SDC2: variants seen among roughly 807,000 people sequenced by gnomAD.
SDC2 encodes syndecan 2, also known as syndecan-2.
Under a neutral mutation model 22.2 loss-of-function variants are expected in SDC2, and 13 were observed. The observed-to-expected ratio is 0.59, with a 90% CI of 0.38 to 0.93. The LOEUF is 0.93. Ranked by LOEUF, SDC2 falls within the 40% of genes least tolerant of loss-of-function variation. SDC2 has a pLI of 0.00. For synonymous variants in SDC2, 94 were observed against 92.8 expected (o/e 1.01, Z -0.07); for missense variants, 235 against 246.8 (o/e 0.95, Z 0.32).
intron 1 of SDC2, among the ~76,000 whole-genome samples, chr8:96,537,883 T>C (rs1386672897): frequency 6.6e-6 from 1 of 152,224 alleles, no homozygotes; most frequent in Non-Finnish European, 1.5e-5. Context: ...TGTTTAGTCT[T>C]GGGGCATGGT....
At chr8:96,552,799 AT>A (rs1361688155) in intron 1 of SDC2, among the ~76,000 whole-genome samples, 2 of 152,214 alleles carry the variant, frequency 1.3e-5, no homozygotes, top group African/African-American at 4.8e-5. Context: ...TTAATGTTTC[AT>A]ATAAAATGGT....
At chr8:96,602,894 G>A (rs192186503) in intron 3 of SDC2, among the ~76,000 whole-genome samples, 153 of 152,220 alleles carry the variant, frequency 1.0e-3, no homozygotes, top group Non-Finnish European at 1.7e-3. Context: ...TGGTTTGTAG[G>A]TTACGTAATT....
At chr8:96,580,358 C>G in intron 1 of SDC2, 1 of 984,566 alleles carries the variant, frequency 1.0e-6, no homozygotes, top group Non-Finnish European at 1.2e-6. Context: ...TGTCTTTGTT[C>G]CAGAGCATTT....
At chr8:96,580,608 AAAC>A in intron 1 of SDC2, 1 of 815,256 alleles carries the variant, frequency 1.2e-6, no homozygotes, top group African/African-American at 1.9e-5. Context: ...TAAATATTAG[AAAC>A]ATTGGTCCCA....
rs773116949 is a variant in SDC2, at chr8:96,593,494, A to G, written c.75A>G (p.Thr25=). Residue 25 remains threonine (T), a synonymous_variant, in exon 2 of 5, where the codon ACA becomes ACG. Transcript: ENST00000302190. ...TCCTTTCTCAGAGAGCAGAGCTGAC[A>G]TCTGATAAAGACATGTACCTTGACA... ...CVSAESRAEL[T]SDKDMYLDNS... 6.8e-6 allele frequency: 11 copies of G among 1,612,054 alleles called. No homozygotes were observed. The highest frequency in any genetic ancestry group is 9.3e-6 in the Non-Finnish European group (11 of 1,178,192).
chr8:96,570,233 C>A (rs191296845), intron 1 of SDC2, among the ~76,000 whole-genome samples: 1 of 152,262 alleles, frequency 6.6e-6, no homozygotes, highest in East Asian at 1.9e-4. Flanking sequence ...CTATCCCAAG[C>A]TCTGCTTAGT....
rs982033321 is a variant in SDC2, at chr8:96,494,391, G to C, written c.60+60G>C. 32 of 1,503,488 alleles carry C rather than the reference G, an allele frequency of 2.1e-5. No homozygotes were observed. In the African/African-American group the frequency reaches 3.8e-4, roughly 18 times the overall value. 93.1% of individuals were successfully genotyped at this position (1,503,488 alleles called of 1,614,324 possible). ...TAGGGTGTTTGAAGCTACGAGAGGA[G>C]CCCGCAGGGAATAGGGGAGCGCCAC... On this transcript the variant is annotated intron_variant, in intron 1 of 4. Coordinates refer to ENST00000302190, the MANE Select transcript of SDC2 (RefSeq NM_002998.4).
At chr8:96,606,318 G>A (rs191045912) in intron 3 of SDC2, among the ~76,000 whole-genome samples, 86 of 152,238 alleles carry the variant, frequency 5.6e-4, no homozygotes, top group African/African-American at 1.9e-3. Context: ...GGTTGGTCTC[G>A]AATGATCCTC....
Position 96,611,405 on chromosome 8 carries a change from T to C in SDC2, c.*1857T>C, listed in dbSNP as rs986518506. The stretch of plus-strand genomic sequence containing the variant: ...TTCATTTTGAGAACATTCCCTGGAA[T>C]TGCCACATAATTCATTAAAAACATT... On this transcript the variant is annotated 3_prime_UTR_variant, in exon 5 of 5. Coordinates refer to ENST00000302190, the MANE Select transcript of SDC2 (RefSeq NM_002998.4). 1 of 152,674 alleles carries C rather than the reference T, an allele frequency of 6.5e-6. No homozygotes were observed. Among genetic ancestry groups the C allele is most frequent in the African/African-American group, 2.4e-5 (1 of 41,470 alleles). 9.5% of individuals were successfully genotyped at this position (152,674 alleles called of 1,614,324 possible).
intron 1 of SDC2, among the ~76,000 whole-genome samples, chr8:96,523,527 G>T (rs1041694794): frequency 1.3e-5 from 2 of 152,108 alleles, no homozygotes; most frequent in African/African-American, 4.8e-5. Flanking sequence ...ATTTACATCT[G>T]TAAGCCGGAT....
chr8:96,549,668 G>T (rs1167986067), intron 1 of SDC2, among the ~76,000 whole-genome samples: 1 of 152,232 alleles, frequency 6.6e-6, no homozygotes, highest in South Asian at 2.1e-4. Flanking sequence ...ATGTGGTTCT[G>T]TAAGTCTTCA....
rs1445013171 is a variant in SDC2, at chr8:96,533,602, G to A, written c.60+39271G>A. Among the ~76,000 whole-genome samples the A allele has an allele frequency of 2.7e-5, 4 of 150,372 alleles. No individual in the cohort carries two copies. The East Asian group carries it at 7.8e-4, about 29-fold the overall frequency. ...GCTGATTGGTGCATTCACAGACTCT[G>A]AGCTAGACACAGAGTGCTGATTGGG... On this transcript the variant is annotated intron_variant, in intron 1 of 4. Coordinates refer to ENST00000302190, the MANE Select transcript of SDC2 (RefSeq NM_002998.4).
At chr8:96,571,987 A>C (rs963609517) in intron 1 of SDC2, among the ~76,000 whole-genome samples, 5 of 152,256 alleles carry the variant, frequency 3.3e-5, no homozygotes, top group Admixed American at 3.3e-4. Flanking sequence ...TGGCTTTCTC[A>C]GTAGGGAAGG....
chr8:96,593,483 G>T lies in SDC2; in HGVS notation c.64G>T (p.Ala22Ser). The stretch of plus-strand genomic sequence containing the variant: ...TCCCTTGTCTTTCCTTTCTCAGAGA[G>T]CAGAGCTGACATCTGATAAAGACAT... ...LVACVSAESR[A>S]ELTSDKDMYL... Residue 22 changes from alanine (A) to serine (S), a missense_variant, in exon 2 of 5, where the codon GCA becomes TCA. Physicochemically the swap from Ala to Ser is moderately conservative, Grantham distance 99. Transcript: ENST00000302190. The T allele has an allele frequency of 6.2e-7, 1 of 1,606,630 alleles. No individual in the cohort carries two copies. The highest frequency in any genetic ancestry group is 8.5e-7 in the Non-Finnish European group (1 of 1,173,250).
At chr8:96,579,611 A>G (rs1216226966) in intron 1 of SDC2, among the ~76,000 whole-genome samples, 1 of 152,240 alleles carries the variant, frequency 6.6e-6, no homozygotes, top group Non-Finnish European at 1.5e-5. Context: ...TTATCTTGCA[A>G]ATTAAAAATT....
chr8:96,562,999 A>G (rs1035551504), intron 1 of SDC2, among the ~76,000 whole-genome samples: 11 of 151,772 alleles, frequency 7.2e-5, no homozygotes, highest in Non-Finnish European at 1.6e-4. Flanking sequence ...CATCACCCCT[A>G]ATTTGTTTTC....
chr8:96,569,299 A>T (rs534922944), intron 1 of SDC2, among the ~76,000 whole-genome samples: 1 of 151,846 alleles, frequency 6.6e-6, no homozygotes, highest in East Asian at 1.9e-4. Flanking sequence ...ATGAGCCACC[A>T]CTCTCAGCCT....
chr8:96,532,218 A>G (rs1348404135), intron 1 of SDC2, among the ~76,000 whole-genome samples: 1 of 152,138 alleles, frequency 6.6e-6, no homozygotes, highest in Non-Finnish European at 1.5e-5. Flanking sequence ...TTTCATCACC[A>G]TTATTAGTAA....
In SDC2 at chr8:96,493,981, A is replaced by AGAGCTTCAGAGAGC. The variant is rs1813003391; in HGVS notation, c.-290_-277dup. On this transcript the variant is annotated 5_prime_UTR_variant, in exon 1 of 5. Transcript: ENST00000302190. ...GGAGCAAAACCACAGCAGAGCAAGA[A>AGAGCTTCAGAGAGC]GAGCTTCAGAGAGCAGCCTTCCCGG... 5 of 484,770 alleles carry AGAGCTTCAGAGAGC rather than the reference A, an allele frequency of 1.0e-5. No individual in the cohort carries two copies. Among genetic ancestry groups the AGAGCTTCAGAGAGC allele is most frequent in the Non-Finnish European group, 1.8e-5 (5 of 277,776 alleles). The allele number at this position is 484,770 out of a possible 1,614,324, so 30.0% of individuals were successfully genotyped here.
Sources: gnomAD v4.1 joint callset for allele counts (sites outside exome capture counted in the v4.1 genomes callset) on GRCh38, gnomAD v4.1.1 for gene constraint, MANE v1.5 for transcripts, NCBI Gene and HGNC (gene_info 2026-07-23, HGNC 2026-07-21) for gene names.